Variants in ALS2 observed in about 807,000 individuals in gnomAD.
ALS2 encodes the protein alsin.
Under a neutral mutation model 203.4 loss-of-function variants are expected in ALS2, and 117 were observed. The ratio of observed to expected loss-of-function variants is 0.58; its 90% confidence interval spans 0.50 to 0.67. The LOEUF is 0.67. ALS2 is among the 30% of genes least tolerant of loss of function. ALS2 has a pLI of 0.00. For missense variants in ALS2, 1,715 were observed against 1,989.4 expected (o/e 0.86, Z 2.62); for synonymous variants, 718 against 725.9 (o/e 0.99, Z 0.17).
chr2:201,773,271 A>C (rs1694493939), intron 1 of ALS2, among the ~76,000 whole-genome samples: 1 of 152,188 alleles, frequency 6.6e-6, no homozygotes, highest in Non-Finnish European at 1.5e-5. Flanking sequence ...TCCTGCCTGC[A>C]AATACTCCAT....
chr2:201,741,790 C>T lies in ALS2; in HGVS notation c.2235G>A (p.Leu745=), dbSNP rs367717163. The change falls in exon 11 of 34, where the codon CTG becomes CTA. Residue 745 remains leucine (L), a synonymous_variant. Coordinates refer to ENST00000264276, the MANE Select transcript of ALS2 (RefSeq NM_020919.4). The part of the protein sequence containing the change: ...LQEVASRFSK[L]CYLIGQHGAS... The stretch of plus-strand genomic sequence containing the variant: ...CTCCATGCTGACCAATGAGGTAACA[C>T]AGCTTGCTGAATCGGCTAGCCACCT... The T allele has an allele frequency of 1.2e-6, 2 of 1,614,164 alleles. No homozygotes were observed. Among genetic ancestry groups the T allele is most frequent in the Non-Finnish European group, 1.7e-6 (2 of 1,180,032 alleles).
At chr2:201,703,490 A>T (rs546745114) in intron 33 of ALS2, among the ~76,000 whole-genome samples, 2 of 152,144 alleles carry the variant, frequency 1.3e-5, no homozygotes, top group East Asian at 3.9e-4. Flanking sequence ...CATTATTGTA[A>T]TTTTATAAAT....
chr2:201,753,328 TA>T, intron 6 of ALS2, 86 bp from the exon 7 acceptor site: 1 of 1,077,072 alleles, frequency 9.3e-7, no homozygotes, highest in South Asian at 1.3e-5. Context: ...TGCTGTCGTG[TA>T]AAAATAAACA....
intron 29 of ALS2, among the ~76,000 whole-genome samples, chr2:201,706,277 T>C (rs1439393537): frequency 6.6e-6 from 1 of 151,412 alleles, no homozygotes; most frequent in East Asian, 1.9e-4. Flanking sequence ...TCCCAGCTAC[T>C]TGGGAGGGTG....
In ALS2 at chr2:201,704,453, C is replaced by A; in HGVS notation, c.4838+1G>T. On this transcript the variant is annotated splice_donor_variant, in intron 32 of 33. Transcript: ENST00000264276. LOFTEE classifies it high-confidence loss of function. ...TAATAACAAAGTCATAAAACAGTTACCTGGCCCGTAGCACCACATATAAGA... is the reference window on the plus strand; with the variant it reads ...TAATAACAAAGTCATAAAACAGTTAACTGGCCCGTAGCACCACATATAAGA... The A allele has an allele frequency of 6.2e-7, 1 of 1,614,022 alleles. No individual in the cohort carries two copies. The highest frequency in any genetic ancestry group is 8.5e-7 in the Non-Finnish European group (1 of 1,179,956).
chr2:201,765,558 G>A (rs1448708673), intron 3 of ALS2: 2 of 166,886 alleles, frequency 1.2e-5, no homozygotes, highest in African/African-American at 4.8e-5. Context: ...CAACCACCAG[G>A]ACCAGATTTA....
Position 201,725,845 on chromosome 2 carries a change from A to G in ALS2, c.3249-391T>C, listed in dbSNP as rs1444117723. On this transcript the variant is annotated intron_variant, in intron 19 of 33. Coordinates refer to ENST00000264276, the MANE Select transcript of ALS2 (RefSeq NM_020919.4). ...ATCTAAAGTCTCTTCTCATTCTAAC[A>G]ATCTATTAAAAAGAGATTTTAACAC... Among the ~76,000 whole-genome samples, 5 of 152,196 alleles carry G rather than the reference A, an allele frequency of 3.3e-5. No homozygotes were observed. The East Asian group carries it at 9.6e-4, about 29-fold the overall frequency.
In ALS2 at chr2:201,726,535, C is replaced by A; in HGVS notation, c.3197G>T (p.Trp1066Leu). The A allele has an allele frequency of 5.0e-6, 8 of 1,614,070 alleles. 1 individual carries two copies. Among genetic ancestry groups the A allele is most frequent in the Non-Finnish European group, 6.8e-6 (8 of 1,179,956 alleles). ...GCCAGAATACATCTTTCCATCAGGC[C>A]ACTTCAAAACCCCTCTGGAATGCAT... The part of the protein sequence containing the change: ...GKPHGRGVLK[W>L]PDGKMYSGMF... Residue 1066 changes from tryptophan (W) to leucine (L), a missense_variant, in exon 19 of 34, where the codon TGG becomes TTG. Transcript: ENST00000264276.
intron 27 of ALS2, 31 bp from the exon 28 acceptor site, chr2:201,708,022 A>G: frequency 6.3e-7 from 1 of 1,594,934 alleles, no homozygotes; most frequent in Non-Finnish European, 8.6e-7. Context: ...TAATTATACA[A>G]TTATACCTCT....
chr2:201,744,293 A>C lies in ALS2; in HGVS notation c.2135T>G (p.Ile712Ser), dbSNP rs372111331. Residue 712 changes from isoleucine to serine, a missense_variant, in exon 10 of 34, where the codon ATC becomes AGC. By Grantham distance (142) the Ile-to-Ser change is moderately radical. Coordinates refer to ENST00000264276, the MANE Select transcript of ALS2 (RefSeq NM_020919.4). The part of the protein sequence containing the change: ...ERRFYSKLSD[I>S]KSQILRPLLS... ...AAGAGGCCTGAGAATCTGAGATTTG[A>C]TATCACTTAGTTTTGAATAGAATCG... 5 of 1,613,998 alleles carry C rather than the reference A, an allele frequency of 3.1e-6. No homozygotes were observed. Among genetic ancestry groups the C allele is most frequent in the Non-Finnish European group, 4.2e-6 (5 of 1,180,016 alleles).
chr2:201,760,921 C>T lies in ALS2; in HGVS notation c.1073G>A (p.Arg358Lys), dbSNP rs750508271. 2.5e-6 allele frequency: 4 copies of T among 1,614,096 alleles called. No homozygotes were observed. Among genetic ancestry groups the T allele is most frequent in the Non-Finnish European group, 3.4e-6 (4 of 1,180,034 alleles). Residue 358 changes from arginine (R) to lysine (K), a missense_variant, in exon 4 of 34, where the codon AGA becomes AAA. Physicochemically the swap from Arg to Lys is conservative, Grantham distance 26 (BLOSUM62 2). This residue lies in a region of ALS2 where 476 missense variants were observed against 539.3 expected (regional missense o/e 0.88). Coordinates refer to ENST00000264276, the MANE Select transcript of ALS2 (RefSeq NM_020919.4). Reference protein sequence around the residue: ...YLRKLSDHSVREDSEHGEKPV... With the variant: ...YLRKLSDHSVKEDSEHGEKPV... ...CTTTTCACCATGCTCTGAGTCCTCT[C>T]TTACTGAATGATCTGACAGTTTCCG... is the stretch of plus-strand genomic sequence containing the variant.
At chr2:201,715,485 G>A (rs906464080) in intron 25 of ALS2, among the ~76,000 whole-genome samples, 187 bp downstream of exon 25, 1 of 152,194 alleles carries the variant, frequency 6.6e-6, no homozygotes, top group Non-Finnish European at 1.5e-5. Flanking sequence ...AACTGTCCAT[G>A]TATTCTGTTC....
chr2:201,718,725 C>T (rs1490705072), intron 23 of ALS2, among the ~76,000 whole-genome samples: 1 of 151,806 alleles, frequency 6.6e-6, no homozygotes, highest in Non-Finnish European at 1.5e-5. Context: ...AAAACACACA[C>T]ACAGGGAAAA....
At chr2:201,715,506 G>A (rs1336679137) in intron 25 of ALS2, among the ~76,000 whole-genome samples, 166 bp downstream of exon 25, 1 of 152,228 alleles carries the variant, frequency 6.6e-6, no homozygotes, top group Non-Finnish European at 1.5e-5. Context: ...AGGTTTAACA[G>A]TTGAGTTCAA....
chr2:201,739,267 T>C (rs1375921772), intron 11 of ALS2, among the ~76,000 whole-genome samples: 2 of 129,532 alleles, frequency 1.5e-5, no homozygotes, highest in Non-Finnish European at 3.3e-5. Flanking sequence ...AAGATGGTAA[T>C]ATAAAAGGAA....
intron 10 of ALS2, 48 bp downstream of exon 10, chr2:201,744,210 A>T: frequency 6.4e-7 from 1 of 1,565,962 alleles, no homozygotes; most frequent in Non-Finnish European, 8.8e-7. Flanking sequence ...GGAAGAAGAG[A>T]TAAAGACCTG....
intron 1 of ALS2, among the ~76,000 whole-genome samples, chr2:201,776,284 T>C (rs2106117847): frequency 6.6e-6 from 1 of 152,280 alleles, no homozygotes; most frequent in Non-Finnish European, 1.5e-5. Context: ...CAGTCTTTTT[T>C]TAATGCCTTG....
chr2:201,764,305 A>AAAAAAC (rs1002117290), intron 3 of ALS2, among the ~76,000 whole-genome samples: 51 of 152,276 alleles, frequency 3.3e-4, no homozygotes, highest in African/African-American at 1.2e-3. Context: ...CCCTCTCCTT[A>AAAAAAC]AAAAACAAAA....
chr2:201,706,507 T>C (rs1049271481), intron 29 of ALS2, among the ~76,000 whole-genome samples: 2 of 146,466 alleles, frequency 1.4e-5, no homozygotes, highest in African/African-American at 5.0e-5. Flanking sequence ...TAAAGAGCTA[T>C]AAAATACCAG....
Sources: allele counts gnomAD v4.1 joint callset (sites outside exome capture counted in the v4.1 genomes callset), GRCh38; gene constraint gnomAD v4.1.1; regional missense constraint gnomAD v4.1.1; transcripts MANE v1.5; gene names NCBI Gene and HGNC (gene_info 2026-07-23, HGNC 2026-07-21).